TLK2: variants seen among roughly 807,000 people sequenced by gnomAD.
TLK2 encodes tousled like kinase 2.
In TLK2, 6 loss-of-function variants were observed where a neutral mutation model predicts 117.3. The ratio of observed to expected loss-of-function variants is 0.05; its 90% confidence interval spans 0.03 to 0.10. The LOEUF (loss-of-function observed/expected upper bound fraction) is 0.10, where lower values mean the gene tolerates loss of function less well. Among genes scored for constraint, TLK2 ranks in the 10% least tolerant of loss-of-function variants. TLK2 has a pLI of 1.00. For synonymous variants in TLK2, 257 were observed against 316.7 expected (o/e 0.81, Z 2.00); for missense variants, 299 against 901.2 (o/e 0.33, Z 8.56).
chr17:62,498,589 C>T (rs1348454724), intron 2 of TLK2, among the ~76,000 whole-genome samples: 1 of 152,026 alleles, frequency 6.6e-6, no homozygotes, highest in Non-Finnish European at 1.5e-5. Flanking sequence ...TGGGGTTTTG[C>T]CATTTTGCCC....
At chr17:62,601,892 C>T (rs932530581) in intron 18 of TLK2, 150 bp from the exon 19 acceptor site, 4 of 640,164 alleles carry the variant, frequency 6.2e-6, no homozygotes, top group Non-Finnish European at 1.0e-5. Flanking sequence ...CCCTGAGTAT[C>T]CAGAGTCCAG....
At chr17:62,522,621 A>G (rs77180719) in intron 4 of TLK2, among the ~76,000 whole-genome samples, 3 of 152,224 alleles carry the variant, frequency 2.0e-5, no homozygotes, top group Non-Finnish European at 4.4e-5. Context: ...ACAGCCAGCT[A>G]AAAGTGCTTC....
At chr17:62,518,105 T>C (rs1314056327) in intron 2 of TLK2, among the ~76,000 whole-genome samples, 3 of 152,240 alleles carry the variant, frequency 2.0e-5, no homozygotes, top group Non-Finnish European at 4.4e-5. Flanking sequence ...TGTTTCATTA[T>C]TGGGTTGCTA....
At chr17:62,573,966 A>G (rs1211286370) in intron 12 of TLK2, among the ~76,000 whole-genome samples, 1 of 152,328 alleles carries the variant, frequency 6.6e-6, no homozygotes, top group African/African-American at 2.4e-5. Flanking sequence ...CATAGCTACC[A>G]TATATAGGAG....
upstream of TLK2, among the ~76,000 whole-genome samples, chr17:62,477,248 A>G (rs542223303): frequency 6.6e-6 from 1 of 152,176 alleles, no homozygotes; most frequent in East Asian, 1.9e-4. Flanking sequence ...GCTGGCCTCG[A>G]GTGGTAGTCC....
At chr17:62,594,650 A>G (rs1283519127) in intron 16 of TLK2, among the ~76,000 whole-genome samples, 1 of 152,246 alleles carries the variant, frequency 6.6e-6, no homozygotes, top group African/African-American at 2.4e-5. Context: ...ATATACATTT[A>G]AGAAAGTTTA....
At chr17:62,489,391 T>TA (rs2072859651) in intron 2 of TLK2, among the ~76,000 whole-genome samples, 5 of 152,000 alleles carry the variant, frequency 3.3e-5, no homozygotes, top group Non-Finnish European at 2.9e-5. Context: ...GTATTTTTAG[T>TA]AGAGATGGGG....
At chr17:62,483,495 C>A (rs2071945048) in intron 2 of TLK2, among the ~76,000 whole-genome samples, 1 of 152,130 alleles carries the variant, frequency 6.6e-6, no homozygotes, top group Admixed American at 6.5e-5. Flanking sequence ...AAGAAATTTA[C>A]CTATTTCCAG....
intron 2 of TLK2, among the ~76,000 whole-genome samples, chr17:62,510,304 A>G (rs1436466360): frequency 6.6e-6 from 1 of 152,196 alleles, no homozygotes; most frequent in African/African-American, 2.4e-5. Context: ...GCATTCTGTC[A>G]TAACAGCACC....
intron 2 of TLK2, chr17:62,516,320 T>C: frequency 1.6e-6 from 2 of 1,237,902 alleles, no homozygotes; most frequent in East Asian, 2.3e-5. Context: ...CCTCTCCAGT[T>C]TTACTGAGGT....
intron 19 of TLK2, among the ~76,000 whole-genome samples, chr17:62,605,856 A>G (rs1442097348): frequency 6.6e-6 from 1 of 151,624 alleles, no homozygotes. Flanking sequence ...TTTTTTTAAA[A>G]ACTACCCAGG....
chr17:62,533,587 A>G (rs1202758648), intron 6 of TLK2, among the ~76,000 whole-genome samples: 1 of 151,136 alleles, frequency 6.6e-6, no homozygotes, highest in Non-Finnish European at 1.5e-5. Context: ...AGTGATTCTC[A>G]TGCCTCAGCT....
intron 6 of TLK2, among the ~76,000 whole-genome samples, chr17:62,525,562 A>C (rs1201756751): frequency 6.6e-6 from 1 of 151,856 alleles, no homozygotes; most frequent in Admixed American, 6.6e-5. Flanking sequence ...GATTCTCCCA[A>C]ATCAACTTCC....
intron 7 of TLK2, among the ~76,000 whole-genome samples, chr17:62,544,474 C>G (rs1396319010): frequency 1.3e-5 from 2 of 152,140 alleles, no homozygotes; most frequent in African/African-American, 2.4e-5. Context: ...AATATGCCCT[C>G]GTGATCCAAT....
chr17:62,538,972 T>G (rs113247488), intron 7 of TLK2, among the ~76,000 whole-genome samples: 1 of 152,328 alleles, frequency 6.6e-6, no homozygotes, highest in African/African-American at 2.4e-5. Context: ...TAATGCTCAA[T>G]TTTGGCCATA....
intron 6 of TLK2, among the ~76,000 whole-genome samples, chr17:62,535,634 T>C (rs1357297930): frequency 3.3e-5 from 5 of 152,028 alleles, no homozygotes; most frequent in Non-Finnish European, 5.9e-5. Flanking sequence ...CCAGGCGTGG[T>C]GGCAGGCACC....
At chr17:62,517,783 C>T (rs533770451) in intron 2 of TLK2, among the ~76,000 whole-genome samples, 132 of 152,298 alleles carry the variant, frequency 8.7e-4, no homozygotes, top group African/African-American at 2.9e-3. Context: ...CTGCAACCTT[C>T]ACCTCCCAGG....
chr17:62,579,062 A>G (rs139938802), intron 14 of TLK2, among the ~76,000 whole-genome samples: 1 of 152,296 alleles, frequency 6.6e-6, no homozygotes, highest in East Asian at 1.9e-4. Context: ...AAACTGGGAA[A>G]AGTAGGTTGA....
chr17:62,598,713 C>T (rs892584413), intron 17 of TLK2, among the ~76,000 whole-genome samples: 1 of 151,798 alleles, frequency 6.6e-6, no homozygotes, highest in African/African-American at 2.4e-5. Flanking sequence ...TTAGTAGAGA[C>T]AGGGTTTCAC....
Sources: allele counts gnomAD v4.1 joint callset (sites outside exome capture counted in the v4.1 genomes callset), GRCh38; gene constraint gnomAD v4.1.1; transcripts MANE v1.5; gene names NCBI Gene and HGNC (gene_info 2026-07-23, HGNC 2026-07-21).